The following AAK1 variants were observed in gnomAD, a reference collection of about 807,000 sequenced individuals.
The protein encoded by AAK1 is AP2-associated protein kinase 1.
A neutral mutation model predicts 116.0 loss-of-function variants in AAK1; 37 were observed. That is an observed-to-expected ratio of 0.32 (90% CI 0.25 to 0.42). The LOEUF is 0.42. Among genes scored for constraint, AAK1 ranks in the 10% least tolerant of loss-of-function variants. The pLI is 1.00. For synonymous variants in AAK1, 458 were observed against 439.9 expected (o/e 1.04, Z -0.51); for missense variants, 919 against 1,170.6 (o/e 0.79, Z 3.14).
chr2:69,556,718 T>C (rs192750220), intron 3 of AAK1, 142 bp downstream of exon 3: 249 of 642,442 alleles, frequency 3.9e-4, no homozygotes, highest in Non-Finnish European at 6.3e-4. Flanking sequence ...GTGTCCTATA[T>C]CCCATGGCTG....
At chr2:69,588,905 C>T (rs1047481431) in intron 2 of AAK1, among the ~76,000 whole-genome samples, 1 of 152,170 alleles carries the variant, frequency 6.6e-6, no homozygotes, top group African/African-American at 2.4e-5. Flanking sequence ...AATGAAAGAA[C>T]TGCTACCAAA....
At chr2:69,566,920 G>A (rs921118963) in intron 2 of AAK1, among the ~76,000 whole-genome samples, 1 of 152,102 alleles carries the variant, frequency 6.6e-6, no homozygotes, top group Non-Finnish European at 1.5e-5. Flanking sequence ...CACAGAGTTA[G>A]CTATCTGGCA....
At chr2:69,544,362 G>A in intron 4 of AAK1, 74 bp downstream of exon 4, 4 of 1,237,570 alleles carry the variant, frequency 3.2e-6, no homozygotes, top group Non-Finnish European at 4.7e-6. Context: ...CACATTAAGT[G>A]AAATGACCAC....
intron 9 of AAK1, 41 bp from the exon 10 acceptor site, chr2:69,525,153 T>A: frequency 6.3e-7 from 1 of 1,588,182 alleles, no homozygotes. Context: ...CAAAAGGACA[T>A]CACAGATTTC....
chr2:69,616,138 G>C (rs952814817), intron 2 of AAK1, among the ~76,000 whole-genome samples: 11 of 152,184 alleles, frequency 7.2e-5, no homozygotes, highest in Non-Finnish European at 8.8e-5. Context: ...ACTAGATAGA[G>C]GTAGTGGTTG....
intron 2 of AAK1, among the ~76,000 whole-genome samples, chr2:69,633,771 G>A (rs1029086333): frequency 8.5e-5 from 13 of 152,162 alleles, no homozygotes; most frequent in African/African-American, 3.1e-4. Flanking sequence ...GCAGCCCAGA[G>A]GAACTAAGCC....
chr2:69,586,461 G>A (rs1672768208), intron 2 of AAK1, among the ~76,000 whole-genome samples: 1 of 152,104 alleles, frequency 6.6e-6, no homozygotes, highest in South Asian at 2.1e-4. Context: ...ATATTCAAAA[G>A]GCTTAAAAAC....
At chr2:69,550,665 G>A (rs948213032) in intron 3 of AAK1, among the ~76,000 whole-genome samples, 5 of 151,332 alleles carry the variant, frequency 3.3e-5, no homozygotes, top group African/African-American at 1.2e-4. Flanking sequence ...GCCCAGTCTG[G>A]AATGCAGTGG....
chr2:69,572,445 CCT>C (rs1300231954), intron 2 of AAK1, among the ~76,000 whole-genome samples: 2 of 151,706 alleles, frequency 1.3e-5, no homozygotes, highest in East Asian at 1.9e-4. Context: ...TGGAGAAACC[CCT>C]GTCTCTACTA....
chr2:69,605,894 C>CT (rs1406048905), intron 2 of AAK1, among the ~76,000 whole-genome samples: 2 of 152,134 alleles, frequency 1.3e-5, no homozygotes, highest in Non-Finnish European at 2.9e-5. Context: ...GTCCCACTGC[C>CT]TACAGAAGGT....
At chr2:69,478,840 T>C (rs1056040824) in intron 20 of AAK1, 111 bp downstream of exon 20, 2 of 794,732 alleles carry the variant, frequency 2.5e-6, no homozygotes, top group African/African-American at 3.5e-5. Flanking sequence ...TACAAGGAGG[T>C]AGTTTTAAAA....
chr2:69,479,193 T>C (rs1674989244), intron 19 of AAK1, 132 bp from the exon 20 acceptor site: 3 of 638,784 alleles, frequency 4.7e-6, no homozygotes, highest in Admixed American at 2.9e-5. Flanking sequence ...AGCGGGAGAA[T>C]AAAAACCAAA....
rs1674588586 is a variant in AAK1, at chr2:69,469,051, G to C, written c.*6818C>G. On this transcript the variant is annotated 3_prime_UTR_variant, in exon 22 of 22. Coordinates refer to ENST00000409085, the MANE Select transcript of AAK1 (RefSeq NM_014911.5). Reference sequence around the variant, plus strand: ...CCTGTCCTTCAAAACAAGGACAAGAGCTATTTCCTATCTTTCTTTCAGCAT... The same window carrying C: ...CCTGTCCTTCAAAACAAGGACAAGACCTATTTCCTATCTTTCTTTCAGCAT... 1.0e-6 allele frequency: 1 copy of C among 985,324 alleles called. No individual in the cohort carries two copies. Among genetic ancestry groups the C allele is most frequent in the South Asian group, 4.7e-5 (1 of 21,298 alleles). 61.0% of individuals were successfully genotyped at this position (985,324 alleles called of 1,614,324 possible).
In AAK1 at chr2:69,475,766, A is replaced by C. The variant is rs1384728226; in HGVS notation, c.*103T>G. The C allele has an allele frequency of 6.7e-7, 1 of 1,489,516 alleles. No homozygotes were observed. The highest frequency in any genetic ancestry group is 9.0e-7 in the Non-Finnish European group (1 of 1,112,046). The allele number at this position is 1,489,516 out of a possible 1,614,324, so 92.3% of individuals were successfully genotyped here. ...GGAGAAAAGGGCTGGAGGGCCCCTT[A>C]TTTGCAGATTTTTTTAAAAAAATCA... On this transcript the variant is annotated 3_prime_UTR_variant, in exon 22 of 22. Transcript: ENST00000409085.
chr2:69,536,231 A>G (rs1209061241), intron 5 of AAK1, among the ~76,000 whole-genome samples: 2 of 152,206 alleles, frequency 1.3e-5, no homozygotes, highest in Admixed American at 6.5e-5. Context: ...AAGGGAGAGG[A>G]CCAGAGAAGC....
At chr2:69,620,219 T>TCA (rs1674536251) in intron 2 of AAK1, among the ~76,000 whole-genome samples, 1 of 152,190 alleles carries the variant, frequency 6.6e-6, no homozygotes, top group South Asian at 2.1e-4. Flanking sequence ...ATAAACTGAA[T>TCA]GACAAGAGGT....
At chr2:69,635,161 G>A (rs1675391729) in intron 2 of AAK1, among the ~76,000 whole-genome samples, 2 of 152,114 alleles carry the variant, frequency 1.3e-5, no homozygotes, top group African/African-American at 4.8e-5. Flanking sequence ...ATTTTCCAAA[G>A]AAGATATACA....
In AAK1 at chr2:69,473,650, G is replaced by C. The variant is rs1674753839; in HGVS notation, c.*2219C>G. 1.0e-6 allele frequency: 1 copy of C among 973,736 alleles called. No individual in the cohort carries two copies. The highest frequency in any genetic ancestry group is 1.8e-5 in the African/African-American group (1 of 56,858). The allele number at this position is 973,736 out of a possible 1,614,324, so 60.3% of individuals were successfully genotyped here. A position where few individuals can be genotyped will look rare whatever the true frequency, so the allele number is the denominator to read the frequency against. The stretch of plus-strand genomic sequence containing the variant: ...TAATATATGAAAAGAACAATTTAGA[G>C]ATACCTAATTTCTAAACTGTACTCT... On this transcript the variant is annotated 3_prime_UTR_variant, in exon 22 of 22. Coordinates refer to ENST00000409085, the MANE Select transcript of AAK1 (RefSeq NM_014911.5).
intron 5 of AAK1, 26 bp downstream of exon 5, chr2:69,542,497 C>G (rs767486441): frequency 1.9e-5 from 30 of 1,612,638 alleles, no homozygotes; most frequent in Middle Eastern, 1.6e-4. Context: ...AGTAGAATGC[C>G]CGTAATGAAA....
Sources: gnomAD v4.1 joint callset for allele counts (sites outside exome capture counted in the v4.1 genomes callset) on GRCh38, gnomAD v4.1.1 for gene constraint, MANE v1.5 for transcripts, NCBI Gene and HGNC (gene_info 2026-07-23, HGNC 2026-07-21) for gene names.